The following CKAP5 variants were observed in gnomAD, a reference collection of about 807,000 sequenced individuals.
The protein encoded by CKAP5 is cytoskeleton associated protein 5, also known as cytoskeleton-associated protein 5.
A neutral mutation model predicts 232.8 loss-of-function variants in CKAP5; 27 were observed. The ratio of observed to expected loss-of-function variants is 0.12; its 90% CI spans 0.09 to 0.16. CKAP5 has a LOEUF of 0.16. Ranked by LOEUF, CKAP5 falls within the 10% of genes least tolerant of loss-of-function variation. The pLI, the probability that CKAP5 is intolerant of heterozygous loss-of-function variation, is 1.00. For synonymous variants in CKAP5, 785 were observed against 841.1 expected (o/e 0.93, Z 1.16); for missense variants, 1,838 against 2,424.7 (o/e 0.76, Z 5.08).
At chr11:46,752,215 C>CACACACACACACAT (rs2065072915) in intron 38 of CKAP5, among the ~76,000 whole-genome samples, 1 of 123,496 alleles carries the variant, frequency 8.1e-6, no homozygotes, top group Non-Finnish European at 1.8e-5. Flanking sequence ...CACACACACA[C>CACACACACACACAT]ACACACACAC....
chr11:46,771,640 C>G (rs2065248590), intron 24 of CKAP5, among the ~76,000 whole-genome samples: 2 of 152,194 alleles, frequency 1.3e-5, no homozygotes, highest in South Asian at 4.1e-4. Flanking sequence ...TGAAAGGTAT[C>G]TGAACTGTTT....
chr11:46,749,065 C>T (rs929990809), intron 42 of CKAP5, among the ~76,000 whole-genome samples: 9 of 151,080 alleles, frequency 6.0e-5, no homozygotes, highest in South Asian at 2.1e-4. Context: ...CTCCTGACCT[C>T]GTGATCTGCC....
chr11:46,775,463 C>T (rs2065282736), intron 24 of CKAP5, among the ~76,000 whole-genome samples: 1 of 152,142 alleles, frequency 6.6e-6, no homozygotes, highest in Non-Finnish European at 1.5e-5. Flanking sequence ...CCCAGCAATC[C>T]CATTACTGGG....
chr11:46,832,135 C>T (rs1939807724), intron 1 of CKAP5, among the ~76,000 whole-genome samples: 1 of 152,174 alleles, frequency 6.6e-6, no homozygotes, highest in South Asian at 2.1e-4. Flanking sequence ...GCTGGGATTA[C>T]AGGCATGAAC....
rs1262545931 is a variant in CKAP5, at chr11:46,803,304, A to AT, written c.979-2001dup. Among the ~76,000 whole-genome samples, 415 of 148,588 alleles carry AT rather than the reference A, an allele frequency of 2.8e-3. 2 individuals are homozygous for AT. The highest frequency in any genetic ancestry group is 9.6e-3 in the African/African-American group (388 of 40,610). On this transcript the variant is annotated intron_variant, in intron 8 of 43. Coordinates refer to ENST00000529230, the MANE Select transcript of CKAP5 (RefSeq NM_001008938.4). The stretch of plus-strand genomic sequence containing the variant: ...ACAAAAAAGTGCAGACTTCAAAAAG[A>AT]TTTTTTTTTTGAGACAGAGTCTGGC...
At chr11:46,773,131 A>G (rs577041047) in intron 24 of CKAP5, among the ~76,000 whole-genome samples, 1 of 152,316 alleles carries the variant, frequency 6.6e-6, no homozygotes, top group Admixed American at 6.5e-5. Flanking sequence ...CTGACTTGCT[A>G]AGAGTTTTTA....
In CKAP5 at chr11:46,790,486, A is replaced by G; in HGVS notation, c.1748T>C (p.Val583Ala). 1 of 1,612,698 alleles carries G rather than the reference A, an allele frequency of 6.2e-7. No individual in the cohort carries two copies. Residue 583 changes from valine to alanine, a missense_variant, in exon 14 of 44, where the codon GTG (valine) becomes GCG (alanine). Coordinates refer to ENST00000529230, the MANE Select transcript of CKAP5 (RefSeq NM_001008938.4). ...AATACTGACCGAGAGCTCAGGCTCCACTATTTCTTTAGTCTCCAGTCCTTT... is the reference window on the plus strand; with the variant it reads ...AATACTGACCGAGAGCTCAGGCTCCGCTATTTCTTTAGTCTCCAGTCCTTT... ...NKKGLETKEIVEPELSIEVCE... is the reference protein window; with the variant it reads ...NKKGLETKEIAEPELSIEVCE...
chr11:46,773,210 A>T (rs1474515341), intron 24 of CKAP5, among the ~76,000 whole-genome samples: 1 of 150,506 alleles, frequency 6.6e-6, no homozygotes, highest in Non-Finnish European at 1.5e-5. Flanking sequence ...AAATTTTGTT[A>T]TTCTGTTGTT....
chr11:46,752,191 TATACACACACACACACACACAC>T (rs2065071670), intron 38 of CKAP5, among the ~76,000 whole-genome samples: 1 of 73,166 alleles, frequency 1.4e-5, no homozygotes, highest in Non-Finnish European at 2.7e-5. Flanking sequence ...TATATATATA[TATACACACACACACACACACAC>T]ACACACACAC....
intron 22 of CKAP5, 118 bp downstream of exon 22, chr11:46,778,021 C>T: frequency 3.9e-6 from 3 of 766,186 alleles, no homozygotes; most frequent in Non-Finnish European, 6.3e-6. Context: ...GCAGCTATTT[C>T]TAGTTCAAAG....
At position 46,765,261 on chromosome 11, in the gene CKAP5, A is replaced by C; in HGVS notation, c.3412-5T>G. On this transcript the variant is annotated splice_polypyrimidine_tract_variant and splice_region_variant and intron_variant, in intron 27 of 43. Coordinates refer to ENST00000529230, the MANE Select transcript of CKAP5 (RefSeq NM_001008938.4). ...CATCTTCTTCCCTTGTGCACTCTAC[A>C]ACCAAGGTTCAGGGAATACTGATTA... The C allele has an allele frequency of 6.2e-7, 1 of 1,607,578 alleles. No individual in the cohort carries two copies.
intron 1 of CKAP5, among the ~76,000 whole-genome samples, chr11:46,842,083 G>A (rs750309516): frequency 9.9e-5 from 15 of 151,974 alleles, no homozygotes; most frequent in Non-Finnish European, 1.8e-4. Flanking sequence ...AAAGAAAGTG[G>A]TGGGTTGGAC....
At chr11:46,807,399 CAAACA>C (rs1423348619) in intron 8 of CKAP5, among the ~76,000 whole-genome samples, 4 of 152,154 alleles carry the variant, frequency 2.6e-5, no homozygotes. Flanking sequence ...ACTGAGGAAG[CAAACA>C]AAACAAAATT....
At chr11:46,747,207 T>C (rs1190661441) in intron 42 of CKAP5, among the ~76,000 whole-genome samples, 1 of 152,196 alleles carries the variant, frequency 6.6e-6, no homozygotes, top group Admixed American at 6.5e-5. Flanking sequence ...TATGCATGAC[T>C]AGACACAGAT....
intron 16 of CKAP5, 69 bp downstream of exon 16, chr11:46,788,612 A>T: frequency 1.1e-6 from 1 of 924,740 alleles, no homozygotes; most frequent in Non-Finnish European, 1.7e-6. Context: ...ATTCTGCTGT[A>T]TTACTCCATA....
At chr11:46,818,243 T>G in intron 3 of CKAP5, 67 bp downstream of exon 3, 5 of 1,274,130 alleles carry the variant, frequency 3.9e-6, no homozygotes, top group Non-Finnish European at 5.4e-6. Flanking sequence ...GACAGTGATC[T>G]ACAAACATAC....
intron 8 of CKAP5, among the ~76,000 whole-genome samples, chr11:46,804,022 A>G (rs951984826): frequency 1.3e-5 from 2 of 152,212 alleles, no homozygotes; most frequent in Non-Finnish European, 2.9e-5. Context: ...GGACATCAGT[A>G]TTTTTAAATG....
intron 28 of CKAP5, among the ~76,000 whole-genome samples, chr11:46,764,312 T>G (rs1315876305): frequency 6.6e-6 from 1 of 152,172 alleles, no homozygotes; most frequent in Non-Finnish European, 1.5e-5. Flanking sequence ...TACAAAGACC[T>G]ACATTCAAAG....
chr11:46,801,302 A>C lies in CKAP5; in HGVS notation c.981T>G (p.Val327=). ...YADLVKALKK[V]VGKDTNVMLV... ...ACATGACATTGGTGTCCTTTCCAAC[A>C]ACCTACAAAGGGGGGTAAAAAGGAA... Residue 327 remains valine, a splice_region_variant and synonymous_variant, in exon 9 of 44, where the codon GTT becomes GTG. Transcript: ENST00000529230. 6.2e-7 allele frequency: 1 copy of C among 1,610,564 alleles called. No individual in the cohort carries two copies. The highest frequency in any genetic ancestry group is 8.5e-7 in the Non-Finnish European group (1 of 1,176,886).
Sources: gnomAD v4.1 joint callset for allele counts (sites outside exome capture counted in the v4.1 genomes callset) on GRCh38, gnomAD v4.1.1 for gene constraint, MANE v1.5 for transcripts, NCBI Gene and HGNC (gene_info 2026-07-23, HGNC 2026-07-21) for gene names.